Variants in CHCHD3 observed in about 807,000 individuals in gnomAD.
CHCHD3 encodes the protein coiled-coil-helix-coiled-coil-helix domain containing 3.
A neutral mutation model predicts 38.2 loss-of-function variants in CHCHD3; 20 were observed. The observed-to-expected ratio is 0.52, with a 90% CI of 0.37 to 0.76. The LOEUF (loss-of-function observed/expected upper bound fraction) is 0.76. Among genes scored for constraint, CHCHD3 ranks in the 30% least tolerant of loss-of-function variants. The pLI, the probability that CHCHD3 is intolerant of heterozygous loss-of-function variation, is 0.00. For missense variants in CHCHD3, 245 were observed against 279.2 expected (o/e 0.88, Z 0.87); for synonymous variants, 82 against 100.0 (o/e 0.82, Z 1.07).
intron 3 of CHCHD3, among the ~76,000 whole-genome samples, chr7:132,988,307 ACACACACACC>A (rs1812180675): frequency 6.6e-6 from 1 of 151,818 alleles, no homozygotes; most frequent in African/African-American, 2.4e-5. Context: ...ACACCCACAC[ACACACACACC>A]CACACAAATA....
chr7:132,882,838 C>T (rs1809101679), intron 5 of CHCHD3, among the ~76,000 whole-genome samples: 2 of 152,088 alleles, frequency 1.3e-5, no homozygotes, highest in African/African-American at 4.8e-5. Flanking sequence ...CACTTTCACT[C>T]ATTTAACATT....
chr7:132,838,609 T>C (rs754611031), intron 5 of CHCHD3, 140 bp from the exon 6 acceptor site: 11 of 612,798 alleles, frequency 1.8e-5, no homozygotes, highest in Non-Finnish European at 2.9e-5. Flanking sequence ...GTGGCATGGA[T>C]ACTTATAAAA....
chr7:133,023,160 T>C (rs1404509102), intron 3 of CHCHD3, among the ~76,000 whole-genome samples: 3 of 152,090 alleles, frequency 2.0e-5, no homozygotes, highest in Admixed American at 1.3e-4. Flanking sequence ...ATTAAATAAT[T>C]ATAAAGCACT....
chr7:133,067,226 T>G (rs1344192501), intron 2 of CHCHD3, among the ~76,000 whole-genome samples: 1 of 152,248 alleles, frequency 6.6e-6, no homozygotes, highest in East Asian at 1.9e-4. Flanking sequence ...CTTCAGTATA[T>G]TGAATCATCA....
chr7:133,073,853 C>A (rs905542748), intron 1 of CHCHD3, among the ~76,000 whole-genome samples: 1 of 152,182 alleles, frequency 6.6e-6, no homozygotes, highest in Non-Finnish European at 1.5e-5. Context: ...AACTCTCCAA[C>A]CTCAAATTCT....
intron 6 of CHCHD3, among the ~76,000 whole-genome samples, chr7:132,811,282 T>A (rs1490491328): frequency 6.6e-6 from 1 of 152,214 alleles, no homozygotes; most frequent in Non-Finnish European, 1.5e-5. Context: ...CACCACATTC[T>A]GGCATTCTCT....
intron 6 of CHCHD3, among the ~76,000 whole-genome samples, chr7:132,816,066 G>C (rs1193330688): frequency 6.6e-6 from 1 of 152,168 alleles, no homozygotes; most frequent in East Asian, 1.9e-4. Context: ...CATTGGGTTG[G>C]ACTTTCTTGG....
intron 6 of CHCHD3, among the ~76,000 whole-genome samples, chr7:132,836,693 T>C (rs572667225): frequency 6.6e-6 from 1 of 152,126 alleles, no homozygotes; most frequent in African/African-American, 2.4e-5. Context: ...CAGGCTGGTT[T>C]TGAACTTCAG....
At chr7:133,066,156 C>T (rs547320974) in intron 2 of CHCHD3, among the ~76,000 whole-genome samples, 169 of 152,176 alleles carry the variant, frequency 1.1e-3, no homozygotes, top group African/African-American at 3.9e-3. Flanking sequence ...TTCATTTGAT[C>T]GACTTAATTT....
intron 3 of CHCHD3, among the ~76,000 whole-genome samples, chr7:133,000,302 T>C (rs1251551062): frequency 6.6e-6 from 1 of 152,160 alleles, no homozygotes; most frequent in Non-Finnish European, 1.5e-5. Context: ...GTGGTATCTC[T>C]GCAAAGGTAC....
chr7:133,024,172 T>A (rs1168297377), intron 3 of CHCHD3, among the ~76,000 whole-genome samples: 1 of 152,266 alleles, frequency 6.6e-6, no homozygotes, highest in Non-Finnish European at 1.5e-5. Flanking sequence ...ATATTCATCA[T>A]GAGCCAAAAT....
chr7:133,056,896 T>C (rs1032173542), intron 2 of CHCHD3, among the ~76,000 whole-genome samples: 1 of 152,196 alleles, frequency 6.6e-6, no homozygotes, highest in Non-Finnish European at 1.5e-5. Flanking sequence ...ACACAACTAT[T>C]AAATGGCAAA....
At chr7:132,947,349 A>C (rs1810925404) in intron 4 of CHCHD3, among the ~76,000 whole-genome samples, 1 of 151,908 alleles carries the variant, frequency 6.6e-6, no homozygotes, top group South Asian at 2.1e-4. Flanking sequence ...CCTTCCTTTC[A>C]AAACAAATTC....
intron 6 of CHCHD3, among the ~76,000 whole-genome samples, chr7:132,803,725 A>G (rs1036686406): frequency 6.6e-6 from 1 of 151,602 alleles, no homozygotes; most frequent in African/African-American, 2.4e-5. Context: ...GAAAGATATT[A>G]GGAAGCAAAA....
intron 2 of CHCHD3, chr7:133,034,813 A>G (rs1381725160): frequency 6.2e-7 from 1 of 1,612,158 alleles, no homozygotes; most frequent in South Asian, 1.1e-5. Flanking sequence ...CCAGAAATGG[A>G]GCTGCTATTG....
intron 5 of CHCHD3, among the ~76,000 whole-genome samples, chr7:132,861,844 T>C (rs552207730): frequency 6.6e-6 from 1 of 152,308 alleles, no homozygotes; most frequent in Non-Finnish European, 1.5e-5. Context: ...AATGTATAAA[T>C]TATTATCAGT....
At chr7:132,847,460 G>C (rs994565621) in intron 5 of CHCHD3, 5 of 152,142 alleles carry the variant, frequency 3.3e-5, no homozygotes, top group African/African-American at 1.2e-4. Flanking sequence ...GTATGGGGGG[G>C]ATTTACCCAT....
At chr7:132,919,762 C>T (rs1001454221) in intron 4 of CHCHD3, among the ~76,000 whole-genome samples, 1 of 152,100 alleles carries the variant, frequency 6.6e-6, no homozygotes, top group East Asian at 1.9e-4. Context: ...TCAGCTTTGG[C>T]GACTGTGCTC....
chr7:133,030,214 T>C (rs1813462911), intron 2 of CHCHD3, among the ~76,000 whole-genome samples: 1 of 152,202 alleles, frequency 6.6e-6, no homozygotes, highest in Non-Finnish European at 1.5e-5. Context: ...ACATCTAAGC[T>C]TCATGGTATT....
Sources: gnomAD v4.1 joint callset for allele counts (sites outside exome capture counted in the v4.1 genomes callset) on GRCh38, gnomAD v4.1.1 for gene constraint, MANE v1.5 for transcripts, NCBI Gene and HGNC (gene_info 2026-07-23, HGNC 2026-07-21) for gene names.